NCOA7: variants seen among roughly 807,000 people sequenced by gnomAD.
NCOA7 encodes 140 kDa estrogen receptor-associated protein.
NCOA7 carries 45 observed loss-of-function variants against 104.3 expected under a neutral mutation model. The observed-to-expected ratio is 0.43, with a 90% confidence interval of 0.34 to 0.55. The LOEUF (loss-of-function observed/expected upper bound fraction) is 0.55. Among genes scored for constraint, NCOA7 ranks in the 20% least tolerant of loss-of-function variants. The pLI is 0.02. For missense variants in NCOA7, 1,041 were observed against 1,119.7 expected (o/e 0.93, Z 1.00); for synonymous variants, 398 against 402.3 (o/e 0.99, Z 0.13).
chr6:125,888,101 TCTGG>T (rs1784382068), intron 8 of NCOA7, among the ~76,000 whole-genome samples: 1 of 152,152 alleles, frequency 6.6e-6, no homozygotes, highest in Non-Finnish European at 1.5e-5. Context: ...GTAATTCCGA[TCTGG>T]GAAGTAAAGC....
intron 8 of NCOA7, among the ~76,000 whole-genome samples, chr6:125,886,576 TTTGAAATTATTTCAGGG>T (rs1174913345): frequency 6.6e-6 from 1 of 152,216 alleles, no homozygotes; most frequent in Non-Finnish European, 1.5e-5. Context: ...CAGCTTCTAA[TTTGAAATTATTTCAGGG>T]TTGAAATTAT....
intron 10 of NCOA7, 147 bp from the exon 11 acceptor site, chr6:125,915,186 A>T: frequency 1.1e-6 from 1 of 899,836 alleles, no homozygotes; most frequent in Non-Finnish European, 1.7e-6. Flanking sequence ...GTATGGAAGT[A>T]GAGATAACCT....
chr6:125,902,779 A>G (rs988826521), intron 10 of NCOA7, among the ~76,000 whole-genome samples: 1 of 152,206 alleles, frequency 6.6e-6, no homozygotes, highest in African/African-American at 2.4e-5. Context: ...GTTTAAGACC[A>G]TGAACTGACC....
intron 2 of NCOA7, among the ~76,000 whole-genome samples, chr6:125,818,276 A>G (rs1288077099): frequency 4.6e-5 from 7 of 152,184 alleles, no homozygotes. Context: ...CCTAAAATGT[A>G]GAGTCAGGGG....
intron 3 of NCOA7, among the ~76,000 whole-genome samples, chr6:125,874,281 T>C (rs2128639254): frequency 6.6e-6 from 1 of 152,262 alleles, no homozygotes; most frequent in African/African-American, 2.4e-5. Context: ...GCCGAGATCG[T>C]GCCGCTGCAC....
chr6:125,904,617 C>T (rs778373584), intron 10 of NCOA7, among the ~76,000 whole-genome samples: 6 of 152,308 alleles, frequency 3.9e-5, no homozygotes, highest in Non-Finnish European at 8.8e-5. Flanking sequence ...CCTTCCCCTA[C>T]CCCAGCCTTA....
chr6:125,919,191 T>C, intron 11 of NCOA7: 1 of 1,531,668 alleles, frequency 6.5e-7, no homozygotes, highest in African/African-American at 1.4e-5. Flanking sequence ...CCTGTAGAAA[T>C]GTTGAAACTT....
Position 125,885,312 on chromosome 6 carries a change from T to C in NCOA7, c.853T>C (p.Ser285Pro). ...TTCCATTGCGCTCTACAATGACATTTCTCACATGAAGATCAAAGATGCCTT... is the reference window on the plus strand; with the variant it reads ...TTCCATTGCGCTCTACAATGACATTCCTCACATGAAGATCAAAGATGCCTT... ...VVSIALYNDI[S>P]HMKIKDALPS... The change falls in exon 8 of 16, where the codon TCT becomes CCT. Residue 285 changes from serine to proline, a missense_variant. Coordinates refer to ENST00000392477, the MANE Select transcript of NCOA7 (RefSeq NM_181782.5). 6.2e-7 allele frequency: 1 copy of C among 1,613,894 alleles called. No individual in the cohort carries two copies. The highest frequency in any genetic ancestry group is 8.5e-7 in the Non-Finnish European group (1 of 1,179,842).
In NCOA7 at chr6:125,915,204, G is replaced by A. The variant is rs1786949907; in HGVS notation, c.2097-129G>A. 4 of 1,157,380 alleles carry A rather than the reference G, an allele frequency of 3.5e-6. No homozygotes were observed. In the African/African-American group the frequency reaches 6.2e-5, roughly 18 times the overall value. The allele number at this position is 1,157,380 out of a possible 1,614,324, so 71.7% of individuals were successfully genotyped here. ...TGGAAGTAGAGATAACCTTGATAAT[G>A]GGAAATTTTCAAATTAGTAAAATGG... On this transcript the variant is annotated intron_variant, in intron 10 of 15. Transcript: ENST00000392477.
At chr6:125,822,416 C>CT (rs1166131156) in intron 2 of NCOA7, among the ~76,000 whole-genome samples, 2 of 152,170 alleles carry the variant, frequency 1.3e-5, no homozygotes, top group African/African-American at 2.4e-5. Context: ...CACAAGCATT[C>CT]TGTTTATCCT....
At chr6:125,791,120 C>T (rs536979877) in intron 1 of NCOA7, 53 bp downstream of exon 1, 107 of 153,128 alleles carry the variant, frequency 7.0e-4, no homozygotes, top group African/African-American at 2.5e-3. Context: ...CTGATGCTGC[C>T]GCCGAGAGGC....
intron 10 of NCOA7, among the ~76,000 whole-genome samples, chr6:125,905,768 C>G (rs577188555): frequency 6.6e-6 from 1 of 152,162 alleles, no homozygotes; most frequent in South Asian, 2.1e-4. Context: ...TAAATAAAAT[C>G]CGAACCCTTT....
In NCOA7 at chr6:125,867,739, T is replaced by C. The variant is rs78872208; in HGVS notation, c.272-7150T>C. ...AATTTAGTGCATACCACTAAATTGG[T>C]GGATACCGTGCCCAGAAACCTTAAA... is the stretch of plus-strand genomic sequence containing the variant. On this transcript the variant is annotated intron_variant, in intron 3 of 15. Transcript: ENST00000392477. 6.2e-4 allele frequency among the ~76,000 whole-genome samples: 95 copies of C among 152,360 alleles called. No homozygotes were observed. In the East Asian group the frequency reaches 0.017, roughly 27 times the overall value.
At chr6:125,788,983 G>T (rs993782066), upstream of NCOA7, among the ~76,000 whole-genome samples, 2 of 152,148 alleles carry the variant, frequency 1.3e-5, no homozygotes, top group Non-Finnish European at 2.9e-5. Flanking sequence ...GGGGCCTCTT[G>T]ATAGTAAAAG....
At chr6:125,887,573 AT>A (rs918321005) in intron 8 of NCOA7, among the ~76,000 whole-genome samples, 12 of 152,170 alleles carry the variant, frequency 7.9e-5, no homozygotes, top group African/African-American at 2.9e-4. Flanking sequence ...ATAGGCTTTT[AT>A]TTTCTATTGG....
chr6:125,878,279 C>G lies in NCOA7; in HGVS notation c.368C>G (p.Thr123Ser). 1 of 1,610,958 alleles carries G rather than the reference C, an allele frequency of 6.2e-7. No individual in the cohort carries two copies. Among genetic ancestry groups the G allele is most frequent in the Non-Finnish European group, 8.5e-7 (1 of 1,178,758 alleles). The stretch of plus-strand genomic sequence containing the variant: ...TTATTCTAGGCTGGAAACCAGGACA[C>G]CCTAAACTCCATAGCACTGAAATTT... ...TMEYTAGNQD[T>S]LNSIALKFNI... is the part of the protein sequence containing the mutation. The change falls in exon 5 of 16, where the codon ACC becomes AGC. Residue 123 changes from threonine to serine, a missense_variant. By Grantham distance (58) the Thr-to-Ser change is moderately conservative. This residue lies in a region of NCOA7 where 914 missense variants were observed against 942.7 expected (regional missense o/e 0.97). Coordinates refer to ENST00000392477, the MANE Select transcript of NCOA7 (RefSeq NM_181782.5).
chr6:125,910,858 T>C (rs1786475403), intron 10 of NCOA7, among the ~76,000 whole-genome samples: 1 of 152,216 alleles, frequency 6.6e-6, no homozygotes, highest in African/African-American at 2.4e-5. Flanking sequence ...ACTATGTAGC[T>C]GTAAAATAAA....
chr6:125,783,525 C>T (rs545509409), intron 1 of NCOA7, among the ~76,000 whole-genome samples: 1 of 152,272 alleles, frequency 6.6e-6, no homozygotes, highest in South Asian at 2.1e-4. Context: ...AGCCTGGACT[C>T]ATATTCTTTT....
At chr6:125,834,379 C>T (rs1779437318) in intron 2 of NCOA7, among the ~76,000 whole-genome samples, 1 of 152,006 alleles carries the variant, frequency 6.6e-6, no homozygotes, top group Non-Finnish European at 1.5e-5. Flanking sequence ...CAGATAATCC[C>T]CATATGATCT....
Sources: gnomAD v4.1 joint callset for allele counts (sites outside exome capture counted in the v4.1 genomes callset) on GRCh38, gnomAD v4.1.1 for gene constraint, gnomAD v4.1.1 regional missense constraint, MANE v1.5 for transcripts, NCBI Gene and HGNC (gene_info 2026-07-23, HGNC 2026-07-21) for gene names.